GRIK1: variants seen among roughly 807,000 people sequenced by gnomAD.
GRIK1 encodes glutamate receptor ionotropic, kainate 1.
GRIK1 carries 69 observed loss-of-function variants against 105.7 expected under a neutral mutation model. That is an observed-to-expected ratio of 0.65 (90% CI 0.54 to 0.80). The LOEUF (loss-of-function observed/expected upper bound fraction) is 0.80. GRIK1 is among the 30% of genes least tolerant of loss of function. The probability of loss-of-function intolerance (pLI) is 0.00; values close to 1 mark genes in which losing one functional copy is unlikely to be tolerated. For missense variants in GRIK1, 1,109 were observed against 1,167.3 expected, an observed-to-expected ratio of 0.95 and a Z score of 0.73; for synonymous variants, 438 against 431.3, an observed-to-expected ratio of 1.02 and a Z score of -0.19.
chr21:29,930,265 T>C (rs1431769568), intron 1 of GRIK1, among the ~76,000 whole-genome samples: 2 of 152,156 alleles, frequency 1.3e-5, no homozygotes, highest in African/African-American at 4.8e-5. Flanking sequence ...GGAGAAAAAG[T>C]ACAGTAACAT....
chr21:29,886,641 C>T (rs1277153031), intron 1 of GRIK1, among the ~76,000 whole-genome samples: 1 of 151,972 alleles, frequency 6.6e-6, no homozygotes, highest in African/African-American at 2.4e-5. Context: ...TTCAAAAGAC[C>T]CCAAACACTT....
At chr21:29,592,059 A>C (rs1043677292) in intron 9 of GRIK1, among the ~76,000 whole-genome samples, 5 of 152,116 alleles carry the variant, frequency 3.3e-5, no homozygotes, top group Non-Finnish European at 7.4e-5. Context: ...AAAATAAAGT[A>C]ATTTTTTCTT....
intron 3 of GRIK1, among the ~76,000 whole-genome samples, chr21:29,674,191 C>T (rs1469776803): frequency 2.0e-5 from 3 of 151,072 alleles, no homozygotes; most frequent in African/African-American, 7.3e-5. Context: ...ATGCTCTGTG[C>T]AAGATTCAGC....
intron 14 of GRIK1, among the ~76,000 whole-genome samples, chr21:29,574,244 T>C (rs1317323532): frequency 6.6e-6 from 1 of 152,244 alleles, no homozygotes; most frequent in Non-Finnish European, 1.5e-5. Flanking sequence ...AGCCTGTGCA[T>C]AGATCCTGTG....
In GRIK1 at chr21:29,939,340, G is replaced by A. The variant is rs376305955; in HGVS notation, c.118+43C>T. The A allele has an allele frequency of 1.0e-5, 12 of 1,184,532 alleles. No homozygotes were observed. The African/African-American group carries it at 1.1e-4, about 11-fold the overall frequency. 73.4% of individuals were successfully genotyped at this position (1,184,532 alleles called of 1,614,324 possible). A position where few individuals can be genotyped will look rare whatever the true frequency, so the allele number is the denominator to read the frequency against. On this transcript the variant is annotated intron_variant, in intron 1 of 17. Coordinates refer to ENST00000327783, the MANE Select transcript of GRIK1 (RefSeq NM_001330994.2). Reference sequence around the variant, plus strand: ...CCCGCTACACCCGCGTTGGTGCGGCGACCGACCACGTCTCCCGAGCAGGCA... The same window carrying A: ...CCCGCTACACCCGCGTTGGTGCGGCAACCGACCACGTCTCCCGAGCAGGCA...
chr21:29,747,515 A>T (rs961848487), intron 1 of GRIK1, among the ~76,000 whole-genome samples: 5 of 36,110 alleles, frequency 1.4e-4, no homozygotes, highest in East Asian at 2.2e-3. Flanking sequence ...GAAGAAAGAT[A>T]GTATCAGTTG....
At chr21:29,547,855 A>C (rs2090072121) in intron 16 of GRIK1, among the ~76,000 whole-genome samples, 1 of 152,232 alleles carries the variant, frequency 6.6e-6, no homozygotes, top group Non-Finnish European at 1.5e-5. Flanking sequence ...ATAGAACTGA[A>C]GACTCTTGGA....
At chr21:29,670,770 C>G (rs1320202344) in intron 4 of GRIK1, among the ~76,000 whole-genome samples, 1 of 152,194 alleles carries the variant, frequency 6.6e-6, no homozygotes, top group African/African-American at 2.4e-5. Flanking sequence ...CACTTCATTA[C>G]ACCCTTTAAT....
rs145862873 is a variant in GRIK1 at position 29,620,097 on chromosome 21, C to T, written c.1099-21160G>A. ...AAGCTTGGCTCCTTATAAAGATGTG[C>T]GTGTATAAGGCTAGTATAAAGCCTA... On this transcript the variant is annotated intron_variant, in intron 7 of 17. Transcript: ENST00000327783. Among the ~76,000 whole-genome samples the T allele has an allele frequency of 1.9e-3, 290 of 152,204 alleles. 1 individual carries two copies. Among genetic ancestry groups the T allele is most frequent in the Admixed American group, 4.4e-3 (67 of 15,284 alleles).
intron 1 of GRIK1, among the ~76,000 whole-genome samples, chr21:29,796,511 T>C (rs1415953900): frequency 1.3e-5 from 2 of 152,154 alleles, no homozygotes; most frequent in Non-Finnish European, 2.9e-5. Context: ...TTGCGTATCA[T>C]ATAAAATATT....
intron 13 of GRIK1, among the ~76,000 whole-genome samples, chr21:29,580,025 A>ATG (rs199605462): frequency 7.4e-6 from 1 of 134,738 alleles, no homozygotes; most frequent in African/African-American, 3.0e-5. Context: ...ATGTGTATAT[A>ATG]TGTATATATG....
chr21:29,848,779 A>ATATATATATATATATATATATATATTTT, intron 1 of GRIK1, among the ~76,000 whole-genome samples: 5 of 77,856 alleles, frequency 6.4e-5, no homozygotes, highest in African/African-American at 1.8e-4. Context: ...ATATATATAT[A>ATATATATATATATATATATATATATTTT]TTTTTTTTTT....
chr21:29,669,887 C>G (rs2063131459), intron 4 of GRIK1, among the ~76,000 whole-genome samples: 1 of 152,144 alleles, frequency 6.6e-6, no homozygotes, highest in Non-Finnish European at 1.5e-5. Context: ...GCAGACAAGT[C>G]TCTTTCTACA....
chr21:29,543,917 C>T (rs559334748), intron 16 of GRIK1, among the ~76,000 whole-genome samples: 50 of 152,330 alleles, frequency 3.3e-4, no homozygotes, highest in African/African-American at 1.2e-3. Flanking sequence ...TTGGCTACAG[C>T]ATGTAGACTT....
chr21:29,740,207 C>T (rs1405182759), intron 1 of GRIK1, among the ~76,000 whole-genome samples: 2 of 150,866 alleles, frequency 1.3e-5, no homozygotes, highest in Non-Finnish European at 2.9e-5. Context: ...CTCATGCTGC[C>T]CTTATTTTCC....
At chr21:29,581,869 C>CACTCATCCCAAGTATTT (rs2091030615) in intron 12 of GRIK1, among the ~76,000 whole-genome samples, 1 of 152,142 alleles carries the variant, frequency 6.6e-6, no homozygotes, top group Non-Finnish European at 1.5e-5. Context: ...AAGAAAGGTT[C>CACTCATCCCAAGTATTT]ACTCATCCCA....
At position 29,675,748 on chromosome 21, in the gene GRIK1, C is replaced by G. The variant is rs117099297; in HGVS notation, c.545-2584G>C. Among the ~76,000 whole-genome samples the G allele has an allele frequency of 5.9e-5, 9 of 152,212 alleles. No homozygotes were observed. The East Asian group carries it at 1.7e-3, about 29-fold the overall frequency. On this transcript the variant is annotated intron_variant, in intron 3 of 17. Transcript: ENST00000327783. Reference sequence around the variant, plus strand: ...AGGCATCAATTACCACTTAATTTTACAGATTATGAGCTAAGACTGCTGGAG... The same window carrying G: ...AGGCATCAATTACCACTTAATTTTAGAGATTATGAGCTAAGACTGCTGGAG...
chr21:29,584,095 G>C (rs75905035), intron 12 of GRIK1, among the ~76,000 whole-genome samples: 2,226 of 152,222 alleles, frequency 0.015, 59 homozygotes, highest in African/African-American at 0.047. Context: ...GTTTATGTTT[G>C]TTTCTGCCTG....
At chr21:29,740,728 A>G (rs988811503) in intron 1 of GRIK1, among the ~76,000 whole-genome samples, 50 of 152,186 alleles carry the variant, frequency 3.3e-4, no homozygotes, top group African/African-American at 1.1e-3. Context: ...TTAATGTTTG[A>G]TAGGAAAATA....
Sources: gnomAD v4.1 joint callset for allele counts (sites outside exome capture counted in the v4.1 genomes callset) on GRCh38, gnomAD v4.1.1 for gene constraint, MANE v1.5 for transcripts, NCBI Gene and HGNC (gene_info 2026-07-23, HGNC 2026-07-21) for gene names.